Variants in NLGN1 observed in about 807,000 individuals in gnomAD.
NLGN1 encodes the protein neuroligin 1.
NLGN1 carries 12 observed loss-of-function variants against 65.5 expected under a neutral mutation model. The observed-to-expected ratio is 0.18, with a 90% CI of 0.12 to 0.30. NLGN1 has a LOEUF of 0.30. Among genes scored for constraint, NLGN1 ranks in the 10% least tolerant of loss-of-function variants. NLGN1 has a pLI of 1.00. For missense variants in NLGN1, 750 were observed against 1,007.1 expected, an observed-to-expected ratio of 0.74 and a Z score of 3.46; for synonymous variants, 350 against 359.5, an observed-to-expected ratio of 0.97 and a Z score of 0.30.
At chr3:173,845,507 T>G (rs1205986051) in intron 4 of NLGN1, among the ~76,000 whole-genome samples, 1 of 152,130 alleles carries the variant, frequency 6.6e-6, no homozygotes, top group African/African-American at 2.4e-5. Context: ...TAATTTAATA[T>G]TTTCAGATAT....
At chr3:173,627,651 C>A (rs1205998812) in intron 3 of NLGN1, among the ~76,000 whole-genome samples, 1 of 152,018 alleles carries the variant, frequency 6.6e-6, no homozygotes, top group Non-Finnish European at 1.5e-5. Flanking sequence ...ATGGAAACAT[C>A]TGAAATTTGT....
intron 4 of NLGN1, among the ~76,000 whole-genome samples, chr3:174,140,808 T>C (rs1722142607): frequency 6.6e-6 from 1 of 152,194 alleles, no homozygotes; most frequent in South Asian, 2.1e-4. Flanking sequence ...AGTTATCATT[T>C]CAATTAGGCT....
intron 3 of NLGN1, among the ~76,000 whole-genome samples, chr3:173,751,223 G>T (rs1776259585): frequency 1.3e-5 from 2 of 151,912 alleles, no homozygotes; most frequent in African/African-American, 4.8e-5. Context: ...TACACTATTT[G>T]CTTTTTTTGA....
intron 3 of NLGN1, among the ~76,000 whole-genome samples, chr3:173,748,275 T>A (rs1775817661): frequency 6.6e-6 from 1 of 152,118 alleles, no homozygotes; most frequent in South Asian, 2.1e-4. Context: ...GTTGATCCCT[T>A]AGATTTACTC....
intron 4 of NLGN1, among the ~76,000 whole-genome samples, chr3:174,027,069 A>T (rs201864648): frequency 0.25 from 38,459 of 150,862 alleles, 5,751 homozygotes; most frequent in African/African-American, 0.41. Context: ...ATTTTTTTAA[A>T]AAAAAAAAAA....
chr3:173,987,759 T>C (rs1259666309), intron 4 of NLGN1, among the ~76,000 whole-genome samples: 3 of 152,216 alleles, frequency 2.0e-5, no homozygotes, highest in African/African-American at 7.2e-5. Flanking sequence ...GTATTGAGAA[T>C]ATGCCATACT....
At chr3:174,001,832 C>G (rs979671150) in intron 4 of NLGN1, among the ~76,000 whole-genome samples, 1 of 152,016 alleles carries the variant, frequency 6.6e-6, no homozygotes, top group African/African-American at 2.4e-5. Context: ...TGTTAGGGGA[C>G]ATTTGCCAAT....
chr3:174,173,458 T>C (rs143250378), intron 4 of NLGN1, among the ~76,000 whole-genome samples: 1 of 152,192 alleles, frequency 6.6e-6, no homozygotes, highest in Non-Finnish European at 1.5e-5. Context: ...CTCATATAAA[T>C]CTGTCGAATT....
At chr3:173,919,287 C>T (rs994168554) in intron 4 of NLGN1, among the ~76,000 whole-genome samples, 5 of 152,126 alleles carry the variant, frequency 3.3e-5, no homozygotes, top group African/African-American at 9.7e-5. Flanking sequence ...CTGTTTATCC[C>T]CTTGAGGACA....
chr3:173,586,681 T>G (rs1279594846), intron 2 of NLGN1, among the ~76,000 whole-genome samples: 1 of 152,176 alleles, frequency 6.6e-6, no homozygotes, highest in Non-Finnish European at 1.5e-5. Context: ...CAAACCCAAT[T>G]GTTAGTTTTA....
intron 4 of NLGN1, among the ~76,000 whole-genome samples, chr3:174,266,081 A>C (rs1488596452): frequency 6.7e-6 from 1 of 149,184 alleles, no homozygotes; most frequent in Admixed American, 6.7e-5. Context: ...TTTTAGGTGC[A>C]GTGGCTATAT....
At chr3:173,633,187 A>G (rs1756009357) in intron 3 of NLGN1, among the ~76,000 whole-genome samples, 1 of 152,092 alleles carries the variant, frequency 6.6e-6, no homozygotes. Flanking sequence ...ACTTATGTTG[A>G]CATTTTCACA....
chr3:174,161,714 A>G (rs1294891712), intron 4 of NLGN1, among the ~76,000 whole-genome samples: 1 of 151,950 alleles, frequency 6.6e-6, no homozygotes, highest in African/African-American at 2.4e-5. Flanking sequence ...TGACAGGACT[A>G]GCGTCTCATT....
chr3:174,173,970 A>T (rs1488026382), intron 4 of NLGN1, among the ~76,000 whole-genome samples: 1 of 151,548 alleles, frequency 6.6e-6, no homozygotes, highest in South Asian at 2.1e-4. Context: ...TTTATCCCTC[A>T]CCTCTTTCCC....
chr3:173,645,796 G>A (rs1236086662), intron 3 of NLGN1, among the ~76,000 whole-genome samples: 1 of 152,188 alleles, frequency 6.6e-6, no homozygotes, highest in Non-Finnish European at 1.5e-5. Context: ...AAGCTCTTTG[G>A]AACACCCTTT....
At chr3:174,218,733 A>G (rs887960456) in intron 4 of NLGN1, among the ~76,000 whole-genome samples, 2 of 152,058 alleles carry the variant, frequency 1.3e-5, no homozygotes, top group Non-Finnish European at 2.9e-5. Flanking sequence ...TAAGTAAGCT[A>G]TATTTATCAA....
At chr3:173,797,715 A>G (rs57307636) in intron 3 of NLGN1, among the ~76,000 whole-genome samples, 101,548 of 149,220 alleles carry the variant, frequency 0.68, 35,615 homozygotes, top group Non-Finnish European at 0.76. Flanking sequence ...AAAACAAGAA[A>G]CAAACAAGCA....
At chr3:173,895,646 A>G (rs539268734) in intron 4 of NLGN1, among the ~76,000 whole-genome samples, 53 of 152,170 alleles carry the variant, frequency 3.5e-4, no homozygotes, top group Admixed American at 1.6e-3. Flanking sequence ...TTTTCCCCAA[A>G]GAAGATCTCA....
At chr3:174,185,641 T>C (rs1241763896) in intron 4 of NLGN1, among the ~76,000 whole-genome samples, 6 of 152,028 alleles carry the variant, frequency 3.9e-5, no homozygotes, top group African/African-American at 1.2e-4. Flanking sequence ...AATCTTAGTA[T>C]ATAGTTGACA....
Sources: allele counts gnomAD v4.1 joint callset (sites outside exome capture counted in the v4.1 genomes callset), GRCh38; gene constraint gnomAD v4.1.1; transcripts MANE v1.5; gene names NCBI Gene and HGNC (gene_info 2026-07-23, HGNC 2026-07-21).